RUFY1: variants seen among roughly 807,000 people sequenced by gnomAD.
RUFY1 encodes RUN and FYVE domain containing 1, also known as RUN and FYVE domain-containing protein 1.
Under a neutral mutation model 94.6 loss-of-function variants are expected in RUFY1, and 54 were observed. That is an observed-to-expected ratio of 0.57 (90% CI 0.46 to 0.72). The LOEUF (loss-of-function observed/expected upper bound fraction) is 0.72, where lower values mean the gene tolerates loss of function less well. RUFY1 is among the 30% of genes least tolerant of loss of function. The pLI, the probability that RUFY1 is intolerant of heterozygous loss-of-function variation, is 0.00. For synonymous variants in RUFY1, 396 were observed against 347.3 expected, an observed-to-expected ratio of 1.14 and a Z score of -1.56; for missense variants, 883 against 883.9, an observed-to-expected ratio of 1.00 and a Z score of 0.01.
At chr5:179,589,816 C>T (rs566261302) in intron 9 of RUFY1, among the ~76,000 whole-genome samples, 169 bp downstream of exon 9, 1 of 152,354 alleles carries the variant, frequency 6.6e-6, no homozygotes, top group Non-Finnish European at 1.5e-5. Context: ...TCTCAGACCA[C>T]CTGGATCCCT....
chr5:179,554,904 G>T (rs544578897), intron 1 of RUFY1, among the ~76,000 whole-genome samples: 142 of 151,994 alleles, frequency 9.3e-4, no homozygotes, highest in African/African-American at 3.4e-3. Flanking sequence ...GGAGGCAGAA[G>T]TTGCAGTGAG....
chr5:179,550,955 C>G (rs1486006270), intron 1 of RUFY1, 76 bp downstream of exon 1: 5 of 1,001,704 alleles, frequency 5.0e-6, no homozygotes, highest in Non-Finnish European at 6.0e-6. Flanking sequence ...CGGTGGGGGC[C>G]GGGCTGGGAG....
intron 2 of RUFY1, among the ~76,000 whole-genome samples, chr5:179,562,285 G>A (rs1457160894): frequency 6.6e-6 from 1 of 152,058 alleles, no homozygotes; most frequent in Non-Finnish European, 1.5e-5. Context: ...GTGGGCACCT[G>A]TAACCCCAGC....
chr5:179,598,805 T>C lies in RUFY1; in HGVS notation c.1745T>C (p.Val582Ala). Reference sequence around the variant, plus strand: ...CTACTCAGGATGGAGCTGCAACAAGTGGAAGGACTGAAAAAGGTGAGGTGG... The same window carrying C: ...CTACTCAGGATGGAGCTGCAACAAGCGGAAGGACTGAAAAAGGTGAGGTGG... The part of the protein sequence containing the change: ...SSLLRMELQQ[V>A]EGLKKELREL... Residue 582 changes from valine to alanine, a missense_variant, in exon 14 of 18, where the codon GTG (valine) becomes GCG (alanine). Physicochemically the swap from Val to Ala is moderately conservative, Grantham distance 64. Coordinates refer to ENST00000319449, the MANE Select transcript of RUFY1 (RefSeq NM_025158.5). The C allele has an allele frequency of 1.2e-6, 2 of 1,614,086 alleles. No homozygotes were observed. Among genetic ancestry groups the C allele is most frequent in the Non-Finnish European group, 1.7e-6 (2 of 1,180,004 alleles).
chr5:179,575,786 T>C (rs956603058), intron 5 of RUFY1, among the ~76,000 whole-genome samples: 3 of 152,152 alleles, frequency 2.0e-5, no homozygotes, highest in African/African-American at 7.2e-5. Context: ...TTTTGTTGTT[T>C]TTTTTGTTTT....
chr5:179,605,780 T>A (rs1374005510), intron 15 of RUFY1, 96 bp from the exon 16 acceptor site: 1 of 829,228 alleles, frequency 1.2e-6, no homozygotes, highest in Non-Finnish European at 2.1e-6. Flanking sequence ...ACAAGTCCGG[T>A]ATCCTCACAA....
At chr5:179,579,928 C>T (rs974643007) in intron 6 of RUFY1, among the ~76,000 whole-genome samples, 1 of 151,608 alleles carries the variant, frequency 6.6e-6, no homozygotes, top group African/African-American at 2.4e-5. Context: ...CTCGGCCTCC[C>T]AAAGTGCTGG....
chr5:179,558,686 T>G (rs1003854249), intron 1 of RUFY1, among the ~76,000 whole-genome samples: 4 of 152,216 alleles, frequency 2.6e-5, no homozygotes, highest in Admixed American at 6.6e-5. Context: ...CCAGCAGCTC[T>G]CCCCCTACCT....
intron 5 of RUFY1, among the ~76,000 whole-genome samples, chr5:179,576,230 C>A (rs549094386): frequency 6.6e-6 from 1 of 152,202 alleles, no homozygotes; most frequent in South Asian, 2.1e-4. Context: ...ATAAGAATGA[C>A]CTCACTTATT....
Position 179,609,483 on chromosome 5 carries a change from C to A in RUFY1, c.2091C>A (p.Thr697=). 6.2e-7 allele frequency: 1 copy of A among 1,610,704 alleles called. No individual in the cohort carries two copies. Among genetic ancestry groups the A allele is most frequent in the Non-Finnish European group, 8.5e-7 (1 of 1,179,818 alleles). ...KPVRVCDSCH[T]LLLQRCSSTA... The stretch of plus-strand genomic sequence containing the variant: ...TGCGAGTGTGCGACAGCTGCCACAC[C>A]CTGCTCCTGCAGCGCTGCTCCTCCA... The change falls in exon 18 of 18, where the codon ACC becomes ACA. Residue 697 remains threonine (T), a synonymous_variant. Transcript: ENST00000319449.
intron 4 of RUFY1, 100 bp downstream of exon 4, chr5:179,567,662 GC>G (rs1344861394): frequency 1.3e-6 from 1 of 764,568 alleles, no homozygotes; most frequent in African/African-American, 1.7e-5. Flanking sequence ...ACTTTGGGAG[GC>G]CAAGATCAGG....
At chr5:179,595,826 A>C (rs546089260) in intron 12 of RUFY1, 1 of 152,652 alleles carries the variant, frequency 6.6e-6, no homozygotes, top group Non-Finnish European at 1.5e-5. Flanking sequence ...CTGGGATTAT[A>C]GGCATGAGCC....
Position 179,592,396 on chromosome 5 carries a change from G to A in RUFY1, c.1245+655G>A, listed in dbSNP as rs1014648101. Reference sequence around the variant, plus strand: ...GCCTCCCAAAGTGCTGGGATTACAGGCCTGAGCCACCGTGCCCGGCCAGTT... The same window carrying A: ...GCCTCCCAAAGTGCTGGGATTACAGACCTGAGCCACCGTGCCCGGCCAGTT... On this transcript the variant is annotated intron_variant, in intron 10 of 17. Coordinates refer to ENST00000319449, the MANE Select transcript of RUFY1 (RefSeq NM_025158.5). Among the ~76,000 whole-genome samples the A allele has an allele frequency of 7.9e-5, 12 of 152,300 alleles. No homozygotes were observed. In the East Asian group the frequency reaches 2.1e-3, roughly 27 times the overall value.
chr5:179,561,678 C>CTTTTTTTTT (rs71001004), intron 2 of RUFY1, among the ~76,000 whole-genome samples: 9 of 64,608 alleles, frequency 1.4e-4, no homozygotes, highest in African/African-American at 2.5e-4. Flanking sequence ...TTTTTTCTTT[C>CTTTTTTTTT]TTTTTTTTTT....
intron 9 of RUFY1, among the ~76,000 whole-genome samples, chr5:179,591,340 A>T (rs1392082603): frequency 6.6e-6 from 1 of 151,240 alleles, no homozygotes; most frequent in Non-Finnish European, 1.5e-5. Flanking sequence ...GCCCACCACC[A>T]CGCCCAGCTA....
At chr5:179,601,287 G>C (rs1766357603) in intron 14 of RUFY1, among the ~76,000 whole-genome samples, 1 of 151,850 alleles carries the variant, frequency 6.6e-6, no homozygotes, top group Non-Finnish European at 1.5e-5. Flanking sequence ...TCTTGCCTCA[G>C]CCTCCCAAGT....
intron 4 of RUFY1, among the ~76,000 whole-genome samples, chr5:179,568,818 A>T (rs1422533066): frequency 6.6e-6 from 1 of 152,176 alleles, no homozygotes; most frequent in Non-Finnish European, 1.5e-5. Context: ...CAGGCAGGGG[A>T]TGGACCACCC....
chr5:179,592,697 G>C (rs1031993018), intron 10 of RUFY1, among the ~76,000 whole-genome samples: 1 of 152,124 alleles, frequency 6.6e-6, no homozygotes, highest in Non-Finnish European at 1.5e-5. Context: ...CACTGTTCTT[G>C]TACCTGCTTT....
chr5:179,567,328 A>G, intron 3 of RUFY1, 133 bp from the exon 4 acceptor site: 2 of 686,520 alleles, frequency 2.9e-6, no homozygotes, highest in Non-Finnish European at 5.1e-6. Context: ...CCCCAACCCC[A>G]AACAGCCATT....
Sources: allele counts gnomAD v4.1 joint callset (sites outside exome capture counted in the v4.1 genomes callset), GRCh38; gene constraint gnomAD v4.1.1; transcripts MANE v1.5; gene names NCBI Gene and HGNC (gene_info 2026-07-23, HGNC 2026-07-21).